The following COPG2 variants were observed in gnomAD, a reference collection of about 807,000 sequenced individuals.
COPG2 encodes the protein coat protein complex I subunit gamma 2, also known as coatomer subunit gamma-2.
Under a neutral mutation model 46.3 loss-of-function variants are expected in COPG2, and 37 were observed. The ratio of observed to expected loss-of-function variants is 0.80; its 90% CI spans 0.61 to 1.05. The LOEUF (loss-of-function observed/expected upper bound fraction) is 1.05. Among genes scored for constraint, COPG2 ranks in the 50% least tolerant of loss-of-function variants. The pLI is 0.00. For missense variants in COPG2, 427 were observed against 387.8 expected (o/e 1.10, Z -0.85); for synonymous variants, 159 against 129.7 (o/e 1.23, Z -1.53).
At chr7:130,631,718 C>A (rs2116167323) in intron 5 of COPG2, among the ~76,000 whole-genome samples, 1 of 138,696 alleles carries the variant, frequency 7.2e-6, no homozygotes, top group South Asian at 2.4e-4. Context: ...TTTTATTTTA[C>A]ATATGTTATA....
intron 20 of COPG2, among the ~76,000 whole-genome samples, chr7:130,523,119 C>CAAAAAAAAAAA (rs1308994776): frequency 0.033 from 1,886 of 57,226 alleles, 184 homozygotes; most frequent in African/African-American, 0.081. Context: ...ACTCTTCTCT[C>CAAAAAAAAAAA]AAAAAAAAAA....
At chr7:130,569,635 A>C (rs1170473641) in intron 9 of COPG2, among the ~76,000 whole-genome samples, 1 of 152,214 alleles carries the variant, frequency 6.6e-6, no homozygotes, top group African/African-American at 2.4e-5. Context: ...CATTCAAAGA[A>C]TAATTGGTAC....
intron 20 of COPG2, among the ~76,000 whole-genome samples, chr7:130,529,202 G>T (rs1364872220): frequency 6.6e-6 from 1 of 152,190 alleles, no homozygotes; most frequent in Non-Finnish European, 1.5e-5. Flanking sequence ...GTTGGCAGCA[G>T]CAAGGGCAGG....
intron 5 of COPG2, among the ~76,000 whole-genome samples, chr7:130,634,644 A>G (rs1273876510): frequency 6.6e-6 from 1 of 152,146 alleles, no homozygotes; most frequent in African/African-American, 2.4e-5. Flanking sequence ...CCAAATATAC[A>G]ATCATGTCAT....
Position 130,523,119 on chromosome 7 carries a change from C to CAAAA in COPG2, c.2150-14464_2150-14461dup, listed in dbSNP as rs1308994776. On this transcript the variant is annotated intron_variant, in intron 20 of 23. Coordinates refer to ENST00000425248, the MANE Select transcript of COPG2 (RefSeq NM_012133.6). ...GGGCGACAGAGTGAAACTCTTCTCT[C>CAAAA]AAAAAAAAAAAAAAAGAAGGCTCCA... 3.5e-5 allele frequency among the ~76,000 whole-genome samples: 2 copies of CAAAA among 57,536 alleles called. 1 individual carries two copies. The highest frequency in any genetic ancestry group is 5.8e-5 in the Non-Finnish European group (2 of 34,670). The allele number at this position is 57,536 out of a possible 152,430, so 37.7% of individuals were successfully genotyped here. A position where few individuals can be genotyped will look rare whatever the true frequency, so the allele number is the denominator to read the frequency against.
intron 20 of COPG2, among the ~76,000 whole-genome samples, chr7:130,529,702 C>T (rs1246515358): frequency 1.3e-5 from 2 of 152,164 alleles, no homozygotes; most frequent in African/African-American, 2.4e-5. Context: ...GCACTGCACA[C>T]TAACATGGCA....
intron 20 of COPG2, among the ~76,000 whole-genome samples, chr7:130,532,472 G>GC (rs1297530558): frequency 6.6e-6 from 1 of 152,108 alleles, no homozygotes; most frequent in Non-Finnish European, 1.5e-5. Flanking sequence ...AGGAGGGTGG[G>GC]ACTGACAGGA....
chr7:130,602,351 ATAT>A (rs1554450470), intron 9 of COPG2, among the ~76,000 whole-genome samples: 2 of 152,036 alleles, frequency 1.3e-5, no homozygotes, highest in Non-Finnish European at 2.9e-5. Flanking sequence ...ATATAATTAA[ATAT>A]TATATTAGCT....
chr7:130,549,816 G>A (rs909012204), intron 17 of COPG2, among the ~76,000 whole-genome samples: 119,075 of 144,194 alleles, frequency 0.83, 46,979 homozygotes, highest in Non-Finnish European at 0.87. Flanking sequence ...TAAGTTTTAA[G>A]ATTAGATATT....
At chr7:130,532,838 G>A (rs1030359357) in intron 20 of COPG2, among the ~76,000 whole-genome samples, 5 of 152,258 alleles carry the variant, frequency 3.3e-5, no homozygotes, top group Middle Eastern at 6.8e-3. Context: ...GCATCTGGTG[G>A]AGCAGTGGGT....
intron 9 of COPG2, among the ~76,000 whole-genome samples, chr7:130,590,196 C>T (rs1554448602): frequency 1.3e-5 from 2 of 151,892 alleles, no homozygotes; most frequent in Non-Finnish European, 2.9e-5. Context: ...AGCTCTCCCT[C>T]TCCCTCTCCC....
At chr7:130,615,627 C>T (rs1362097911) in intron 6 of COPG2, among the ~76,000 whole-genome samples, 1 of 152,194 alleles carries the variant, frequency 6.6e-6, no homozygotes, top group East Asian at 1.9e-4. Context: ...TTTTATCTAT[C>T]ATCTCTGAGC....
intron 9 of COPG2, among the ~76,000 whole-genome samples, chr7:130,577,767 C>CAAA (rs782674348): frequency 1.0e-3 from 80 of 78,054 alleles, no homozygotes; most frequent in African/African-American, 3.4e-3. Context: ...GACTCCGTCT[C>CAAA]AAAAAAAAAA....
chr7:130,557,051 G>A (rs1240500387), intron 12 of COPG2, among the ~76,000 whole-genome samples: 6 of 152,098 alleles, frequency 3.9e-5, no homozygotes, highest in South Asian at 2.1e-4. Context: ...AACAAGAATC[G>A]GAGAAGACAA....
At chr7:130,615,957 T>A (rs190634981) in intron 6 of COPG2, among the ~76,000 whole-genome samples, 2 of 152,320 alleles carry the variant, frequency 1.3e-5, no homozygotes, top group East Asian at 3.9e-4. Flanking sequence ...ATATTGCTTT[T>A]AAGGATAGAC....
intron 1 of COPG2, among the ~76,000 whole-genome samples, chr7:130,667,780 CCT>C (rs1554461692): frequency 1.3e-5 from 2 of 152,146 alleles, no homozygotes; most frequent in African/African-American, 2.4e-5. Flanking sequence ...CTTTCCCTGC[CCT>C]CTTTTTCCAT....
At chr7:130,651,905 C>T (rs1302491149) in intron 5 of COPG2, among the ~76,000 whole-genome samples, 1 of 152,172 alleles carries the variant, frequency 6.6e-6, no homozygotes, top group Non-Finnish European at 1.5e-5. Context: ...CTGCGTCGGC[C>T]TCCCAAAGTG....
intron 9 of COPG2, among the ~76,000 whole-genome samples, chr7:130,576,284 T>A (rs541116029): frequency 6.6e-6 from 1 of 152,314 alleles, no homozygotes; most frequent in East Asian, 1.9e-4. Flanking sequence ...CAACAGTGTA[T>A]GGAACTTTCT....
At position 130,587,200 on chromosome 7, in the gene COPG2, G is replaced by A. The variant is rs568726918; in HGVS notation, c.738-22807C>T. ...CGCATGCCTGTAATCCCAGCTACCC[G>A]GGAGGCTAAGGAAGGAGAATCGCTG... is the stretch of plus-strand genomic sequence containing the variant. On this transcript the variant is annotated intron_variant, in intron 9 of 23. Transcript: ENST00000425248. Among the ~76,000 whole-genome samples, 14 of 151,846 alleles carry A rather than the reference G, an allele frequency of 9.2e-5. No homozygotes were observed. In the South Asian group the frequency reaches 1.7e-3, roughly 18 times the overall value.
Sources: allele counts gnomAD v4.1 joint callset (sites outside exome capture counted in the v4.1 genomes callset), GRCh38; gene constraint gnomAD v4.1.1; transcripts MANE v1.5; gene names NCBI Gene and HGNC (gene_info 2026-07-23, HGNC 2026-07-21).